Variants in CATSPER2 observed in about 807,000 individuals in gnomAD.
CATSPER2 encodes the protein cation channel sperm-associated protein 2.
In CATSPER2, 56 loss-of-function variants were observed where a neutral mutation model predicts 68.8. The ratio of observed to expected loss-of-function variants is 0.81; its 90% CI spans 0.66 to 1.02. CATSPER2 has a LOEUF of 1.02. CATSPER2 is among the 50% of genes least tolerant of loss of function. The pLI is 0.00. For synonymous variants in CATSPER2, 198 were observed against 229.9 expected (o/e 0.86, Z 1.26); for missense variants, 582 against 642.0 (o/e 0.91, Z 1.01).
chr15:43,640,554 G>A, intron 4 of CATSPER2, 58 bp from the exon 5 acceptor site: 2 of 1,610,344 alleles, frequency 1.2e-6, no homozygotes, highest in Non-Finnish European at 1.7e-6. Flanking sequence ...CCGAATGATG[G>A]AGAATGAACA....
intron 12 of CATSPER2, 64 bp downstream of exon 12, chr15:43,632,132 CCTT>C (rs2085882659): frequency 6.5e-7 from 1 of 1,531,314 alleles, no homozygotes; most frequent in Non-Finnish European, 9.0e-7. Context: ...ACACCCTCCT[CCTT>C]CTCCACAGCT....
intron 1 of CATSPER2, 50 bp downstream of exon 1, chr15:43,648,579 C>A (rs1423677551): frequency 7.3e-7 from 1 of 1,366,904 alleles, no homozygotes; most frequent in Non-Finnish European, 9.4e-7. Context: ...CTCCAACACT[C>A]CTTCGGGGGC....
intron 2 of CATSPER2, 87 bp from the exon 3 acceptor site, chr15:43,647,554 T>G: frequency 8.0e-7 from 1 of 1,251,438 alleles, no homozygotes; most frequent in Non-Finnish European, 1.2e-6. Context: ...GGTCAGGTAA[T>G]GGGTTCCCCT....
intron 12 of CATSPER2, chr15:43,631,533 T>G (rs1026210161): frequency 5.2e-6 from 2 of 386,730 alleles, no homozygotes; most frequent in African/African-American, 2.2e-5. Flanking sequence ...CCGGCCTTTT[T>G]TTTTCCTTTT....
intron 1 of CATSPER2, among the ~76,000 whole-genome samples, 200 bp downstream of exon 1, chr15:43,648,429 T>A (rs1014249845): frequency 2.0e-5 from 3 of 152,128 alleles, no homozygotes; most frequent in Admixed American, 1.3e-4. Flanking sequence ...GGGTCCCACC[T>A]GTGCCTGAGA....
chr15:43,640,877 T>C (rs1228421205), intron 4 of CATSPER2, among the ~76,000 whole-genome samples: 1 of 151,346 alleles, frequency 6.6e-6, no homozygotes, highest in African/African-American at 2.4e-5. Flanking sequence ...AAGCAATGGG[T>C]CTTGAGAACA....
Position 43,630,085 on chromosome 15 carries a change from G to A in CATSPER2, c.*616C>T, listed in dbSNP as rs1478065562. On this transcript the variant is annotated 3_prime_UTR_variant, in exon 13 of 13. Transcript: ENST00000396879. ...TCAGGAGCTGTGGAAAGGGTAGAAA[G>A]CTAAGGAGCACAGACTCCACTGGCA... 1 of 155,612 alleles carries A rather than the reference G, an allele frequency of 6.4e-6. No homozygotes were observed. The allele number at this position is 155,612 out of a possible 1,614,324, so 9.6% of individuals were successfully genotyped here.
At chr15:43,641,588 T>C (rs1017908483) in intron 4 of CATSPER2, among the ~76,000 whole-genome samples, 1 of 151,598 alleles carries the variant, frequency 6.6e-6, no homozygotes, top group Non-Finnish European at 1.5e-5. Context: ...GCTCTGGCTT[T>C]AAAGTCATCC....
At chr15:43,641,665 AG>A (rs2141570484) in intron 4 of CATSPER2, among the ~76,000 whole-genome samples, 1 of 152,022 alleles carries the variant, frequency 6.6e-6, no homozygotes, top group African/African-American at 2.4e-5. Context: ...AATTTTACAG[AG>A]GTTGGCCCCT....
chr15:43,640,008 A>C, intron 5 of CATSPER2: 1 of 1,446,728 alleles, frequency 6.9e-7, no homozygotes. Flanking sequence ...GATAAAATTC[A>C]TGGTTATTTA....
Position 43,635,390 on chromosome 15 carries a change from AG to A in CATSPER2, c.1147del (p.Leu383Ter). Reference sequence around the variant, plus strand: ...CTCTATTTTGCTATGGCTTGACGTCAGTGCTTCATGTGACATGTTTTTTCTC... The same window carrying A: ...CTCTATTTTGCTATGGCTTGACGTCATGCTTCATGTGACATGTTTTTTCTC... Reference protein sequence around the residue: ...QRRKNMSHEALTSSHSKIEDS... With the variant: ...QRRKNMSHEAXTSSHSKIEDS... On this transcript the variant is annotated frameshift_variant, in exon 10 of 13. Transcript: ENST00000396879. LOFTEE classifies it high-confidence loss of function. 1.2e-6 allele frequency: 2 copies of A among 1,610,516 alleles called. No homozygotes were observed. The highest frequency in any genetic ancestry group is 1.7e-6 in the Non-Finnish European group (2 of 1,179,364).
intron 11 of CATSPER2, 40 bp from the exon 12 acceptor site, chr15:43,632,403 G>C: frequency 6.2e-7 from 1 of 1,609,588 alleles, no homozygotes; most frequent in East Asian, 2.2e-5. Context: ...GTCTAGATTT[G>C]TAAAAGTTGG....
In CATSPER2 at chr15:43,639,024, A is replaced by G. The variant is rs1400794004; in HGVS notation, c.722T>C (p.Met241Thr). Residue 241 changes from methionine (M) to threonine (T), a missense_variant, in exon 7 of 13, where the codon ATG becomes ACG. Transcript: ENST00000396879. The stretch of plus-strand genomic sequence containing the variant: ...GAGCAGCAACATCAAGAGGAAGGTC[A>G]TGCTCTAGAGGCCATAACTCTCATG... Reference protein sequence around the residue: ...ILVLVRALKSMTFLLMLLLIF... With the variant: ...ILVLVRALKSTTFLLMLLLIF... 4 of 1,612,240 alleles carry G rather than the reference A, an allele frequency of 2.5e-6. No individual in the cohort carries two copies. The highest frequency in any genetic ancestry group is 8.5e-7 in the Non-Finnish European group (1 of 1,178,962).
At chr15:43,638,286 C>CTTT (rs71460446) in intron 7 of CATSPER2, among the ~76,000 whole-genome samples, 50 of 81,830 alleles carry the variant, frequency 6.1e-4, no homozygotes, top group African/African-American at 1.4e-3. Flanking sequence ...TTCTTTCTTT[C>CTTT]TTTTTTTTTT....
chr15:43,637,154 T>C (rs2085979530), intron 7 of CATSPER2, among the ~76,000 whole-genome samples: 1 of 151,912 alleles, frequency 6.6e-6, no homozygotes, highest in Non-Finnish European at 1.5e-5. Flanking sequence ...TACTGCTCTA[T>C]GGACTCCACT....
rs1256843175 is a variant in CATSPER2 at position 43,647,378 on chromosome 15, G to C, written c.235C>G (p.His79Asp). 1 of 1,613,076 alleles carries C rather than the reference G, an allele frequency of 6.2e-7. No individual in the cohort carries two copies. The highest frequency in any genetic ancestry group is 8.5e-7 in the Non-Finnish European group (1 of 1,179,296). Residue 79 changes from histidine (H) to aspartate (D), a missense_variant, in exon 3 of 13, where the codon CAT becomes GAT. His to Asp is a moderately conservative substitution (Grantham distance 81). Coordinates refer to ENST00000396879, the MANE Select transcript of CATSPER2 (RefSeq NM_172095.4). ...AGCCTGCTCAACAGCCTCTGGGCAT[G>C]TGAAATCTGTTCTATACGCTGAGGC... is the stretch of plus-strand genomic sequence containing the variant. Reference protein sequence around the residue: ...IKPQRIEQISHAQRLLSRLHV... With the variant: ...IKPQRIEQISDAQRLLSRLHV...
intron 4 of CATSPER2, among the ~76,000 whole-genome samples, 175 bp downstream of exon 4, chr15:43,646,875 C>G (rs1489885997): frequency 1.3e-5 from 2 of 151,702 alleles, no homozygotes; most frequent in Middle Eastern, 3.4e-3. Context: ...CTACCAAGCC[C>G]GGCTAATTTT....
At chr15:43,632,637 C>A (rs973258659) in intron 11 of CATSPER2, 80 bp downstream of exon 11, 1 of 1,607,726 alleles carries the variant, frequency 6.2e-7, no homozygotes, top group East Asian at 2.2e-5. Context: ...ACTAGGAGAG[C>A]TCCTGTTAAG....
At chr15:43,639,065 A>G (rs2086021463) in intron 6 of CATSPER2, 37 bp from the exon 7 acceptor site, 1 of 1,608,408 alleles carries the variant, frequency 6.2e-7, no homozygotes, top group Admixed American at 1.7e-5. Context: ...TGTGGGCCAA[A>G]CTAGGCTGAT....
Sources: allele counts gnomAD v4.1 joint callset (sites outside exome capture counted in the v4.1 genomes callset), GRCh38; gene constraint gnomAD v4.1.1; transcripts MANE v1.5; gene names NCBI Gene and HGNC (gene_info 2026-07-23, HGNC 2026-07-21).